COPS4: variants seen among roughly 807,000 people sequenced by gnomAD.
COPS4 encodes the protein COP9 signalosome subunit 4, also known as COP9 signalosome complex subunit 4.
A neutral mutation model predicts 55.1 loss-of-function variants in COPS4; 8 were observed. The ratio of observed to expected loss-of-function variants is 0.15; its 90% CI spans 0.09 to 0.26. The LOEUF (loss-of-function observed/expected upper bound fraction) is 0.26. COPS4 is among the 10% of genes least tolerant of loss of function. The probability of loss-of-function intolerance (pLI) is 1.00; values close to 1 mark genes in which losing one functional copy is unlikely to be tolerated. For missense variants in COPS4, 248 were observed against 484.0 expected, an observed-to-expected ratio of 0.51 and a Z score of 4.58; for synonymous variants, 185 against 165.7, an observed-to-expected ratio of 1.12 and a Z score of -0.90.
At position 83,035,308 on chromosome 4, in the gene COPS4, TC is replaced by T. The variant is rs760245550; in HGVS notation, c.74+13del. 3 of 1,544,294 alleles carry T rather than the reference TC, an allele frequency of 1.9e-6. No individual in the cohort carries two copies. The highest frequency in any genetic ancestry group is 3.5e-5 in the Admixed American group (2 of 57,150). On this transcript the variant is annotated intron_variant, in intron 1 of 9. Transcript: ENST00000264389. ...AAGATCTGGCTGGCAAGTGAGTATT[TC>T]CCAGGAACGCGGGAGTACAGAGGTG...
chr4:83,066,599 A>G (rs892385852), intron 8 of COPS4, 46 bp downstream of exon 8: 5 of 838,444 alleles, frequency 6.0e-6, no homozygotes, highest in Non-Finnish European at 9.6e-6. Flanking sequence ...TAAGAGATGA[A>G]ACTATTAAAA....
At chr4:83,048,880 C>T (rs1448053544) in intron 2 of COPS4, among the ~76,000 whole-genome samples, 2 of 152,028 alleles carry the variant, frequency 1.3e-5, no homozygotes, top group African/African-American at 2.4e-5. Flanking sequence ...CTCCTGACGT[C>T]GTGATCTGCC....
chr4:83,067,464 T>G (rs1731317535), intron 8 of COPS4, among the ~76,000 whole-genome samples: 1 of 151,530 alleles, frequency 6.6e-6, no homozygotes, highest in African/African-American at 2.4e-5. Flanking sequence ...GACCTTATGA[T>G]CCACCTGCCT....
chr4:83,041,045 T>A (rs963549659), intron 1 of COPS4, among the ~76,000 whole-genome samples: 2 of 151,222 alleles, frequency 1.3e-5, no homozygotes, highest in South Asian at 4.2e-4. Flanking sequence ...TTTTCCTCCA[T>A]AAGTTTTTTT....
rs187222714 is a variant in COPS4, at chr4:83,061,029, T to C, written c.716-2047T>C. On this transcript the variant is annotated intron_variant, in intron 6 of 9. Transcript: ENST00000264389. ...AGCCTGGGTAACAGGAGTGAAACTC[T>C]GTCTCAAAAAAAAAATAATAATAAT... Among the ~76,000 whole-genome samples, 357 of 150,214 alleles carry C rather than the reference T, an allele frequency of 2.4e-3. 2 individuals carry two copies. The highest frequency in any genetic ancestry group is 8.1e-3 in the African/African-American group (329 of 40,592).
intron 6 of COPS4, among the ~76,000 whole-genome samples, chr4:83,058,569 T>A (rs1198955388): frequency 1.3e-5 from 2 of 152,216 alleles, no homozygotes; most frequent in Non-Finnish European, 2.9e-5. Context: ...TTTTTGTTAC[T>A]GAAAACGCAG....
intron 9 of COPS4, among the ~76,000 whole-genome samples, chr4:83,069,491 G>A (rs979179490): frequency 6.6e-6 from 1 of 151,962 alleles, no homozygotes; most frequent in South Asian, 2.1e-4. Flanking sequence ...CTCTAAATTC[G>A]AGGTCACAGG....
intron 9 of COPS4, among the ~76,000 whole-genome samples, chr4:83,074,770 T>C (rs985968500): frequency 6.6e-6 from 1 of 151,664 alleles, no homozygotes; most frequent in African/African-American, 2.4e-5. Flanking sequence ...CCTCCCAAAA[T>C]GCTGGGGTTA....
chr4:83,073,085 C>T, intron 9 of COPS4: 1 of 446,656 alleles, frequency 2.2e-6, no homozygotes, highest in East Asian at 3.2e-5. Flanking sequence ...AATTCAATGG[C>T]CTGTAGTATA....
chr4:83,047,547 C>T (rs1370894599), intron 2 of COPS4, among the ~76,000 whole-genome samples: 1 of 151,778 alleles, frequency 6.6e-6, no homozygotes, highest in African/African-American at 2.4e-5. Context: ...GTAAGATTGT[C>T]TCAAAAAAAC....
At chr4:83,056,240 T>G (rs1396553519) in intron 4 of COPS4, among the ~76,000 whole-genome samples, 1 of 152,154 alleles carries the variant, frequency 6.6e-6, no homozygotes, top group East Asian at 1.9e-4. Flanking sequence ...CCTTAGGATT[T>G]ATTTTCTAAA....
chr4:83,039,611 C>T (rs532893822), intron 1 of COPS4, among the ~76,000 whole-genome samples: 1 of 152,224 alleles, frequency 6.6e-6, no homozygotes, highest in African/African-American at 2.4e-5. Flanking sequence ...TTTCATCAGT[C>T]TTGAGATGTC....
At chr4:83,050,630 C>T (rs2126129797) in intron 4 of COPS4, among the ~76,000 whole-genome samples, 1 of 152,154 alleles carries the variant, frequency 6.6e-6, no homozygotes, top group South Asian at 2.1e-4. Flanking sequence ...TCACTAGATA[C>T]TCTTAGAGGA....
chr4:83,049,639 T>G, intron 3 of COPS4: 1 of 458,940 alleles, frequency 2.2e-6, no homozygotes, highest in South Asian at 3.4e-5. Context: ...AAGCTAAATT[T>G]AATGTTTAAA....
intron 4 of COPS4, among the ~76,000 whole-genome samples, chr4:83,054,144 C>G (rs561138660): frequency 6.6e-6 from 1 of 152,096 alleles, no homozygotes; most frequent in African/African-American, 2.4e-5. Context: ...AGATCAAGAC[C>G]ATCCTGGCTA....
chr4:83,058,462 A>C (rs1351723242), intron 6 of COPS4, among the ~76,000 whole-genome samples: 1 of 152,132 alleles, frequency 6.6e-6, no homozygotes, highest in African/African-American at 2.4e-5. Context: ...CAAGTGATCC[A>C]TCTGCCTTGG....
At chr4:83,039,431 A>G (rs1041951405) in intron 1 of COPS4, among the ~76,000 whole-genome samples, 3 of 152,164 alleles carry the variant, frequency 2.0e-5, no homozygotes, top group Non-Finnish European at 4.4e-5. Flanking sequence ...CCCCAGATTC[A>G]AGGGGTAGGG....
At chr4:83,051,077 A>G (rs1730875433) in intron 4 of COPS4, among the ~76,000 whole-genome samples, 1 of 149,000 alleles carries the variant, frequency 6.7e-6, no homozygotes, top group Non-Finnish European at 1.5e-5. Context: ...CTTGGGCAGC[A>G]TAGCTAGACC....
At chr4:83,036,700 A>G (rs527647610) in intron 1 of COPS4, among the ~76,000 whole-genome samples, 48 of 152,308 alleles carry the variant, frequency 3.2e-4, no homozygotes, top group Non-Finnish European at 6.0e-4. Flanking sequence ...GTAAATATAT[A>G]TTCACTTATT....
Sources: allele counts gnomAD v4.1 joint callset (sites outside exome capture counted in the v4.1 genomes callset), GRCh38; gene constraint gnomAD v4.1.1; transcripts MANE v1.5; gene names NCBI Gene and HGNC (gene_info 2026-07-23, HGNC 2026-07-21).